The following PPP2R5C variants were observed in gnomAD, a reference collection of about 807,000 sequenced individuals.
PPP2R5C encodes protein phosphatase 2 regulatory subunit B'gamma.
A neutral mutation model predicts 68.9 loss-of-function variants in PPP2R5C; 7 were observed. The ratio of observed to expected loss-of-function variants is 0.10; its 90% CI spans 0.06 to 0.19. The LOEUF (loss-of-function observed/expected upper bound fraction) is 0.19, where lower values mean the gene tolerates loss of function less well. Ranked by LOEUF, PPP2R5C falls within the 10% of genes least tolerant of loss-of-function variation. The pLI, the probability that PPP2R5C is intolerant of heterozygous loss-of-function variation, is 1.00. For synonymous variants in PPP2R5C, 210 were observed against 222.2 expected, an observed-to-expected ratio of 0.95 and a Z score of 0.49; for missense variants, 348 against 641.3, an observed-to-expected ratio of 0.54 and a Z score of 4.94.
At chr14:101,827,799 C>T (rs1171529719) in intron 1 of PPP2R5C, among the ~76,000 whole-genome samples, 5 of 151,858 alleles carry the variant, frequency 3.3e-5, no homozygotes, top group African/African-American at 9.7e-5. Flanking sequence ...CTGTCAAAGG[C>T]GAAAATAAGG....
At chr14:101,787,088 CA>C (rs1442203978) in intron 3 of PPP2R5C, among the ~76,000 whole-genome samples, 2 of 151,984 alleles carry the variant, frequency 1.3e-5, no homozygotes, top group Non-Finnish European at 2.9e-5. Context: ...TCCGTCTCTA[CA>C]AAAAAATAAA....
rs1230543505 is a variant in PPP2R5C, at chr14:101,915,491, T to C, written c.1327-2340T>C. On this transcript the variant is annotated intron_variant, in intron 12 of 13. Coordinates refer to ENST00000334743, the Ensembl canonical transcript of PPP2R5C. The surrounding 1 kb of genome is among the most constrained non-coding windows in gnomAD (Gnocchi z 4.2). ...CATTCTTGTGTAGGGACACTCTCCT[T>C]TGCCCCGAGGGCCAGAGAGCCGTGC... is the stretch of plus-strand genomic sequence containing the variant. 6.6e-6 allele frequency among the ~76,000 whole-genome samples: 1 copy of C among 152,166 alleles called. No homozygotes were observed. Among genetic ancestry groups the C allele is most frequent in the African/African-American group, 2.4e-5 (1 of 41,440 alleles).
chr14:101,883,762 C>T (rs1422049389), intron 5 of PPP2R5C, among the ~76,000 whole-genome samples, 200 bp downstream of exon 7: 1 of 152,124 alleles, frequency 6.6e-6, no homozygotes, highest in Admixed American at 6.5e-5. Context: ...GCCTTCCTCC[C>T]CTCTCCCCAC....
At chr14:101,770,275 G>A (rs2037079334) in intron 2 of PPP2R5C, among the ~76,000 whole-genome samples, 4 of 152,216 alleles carry the variant, frequency 2.6e-5, no homozygotes, top group Admixed American at 2.6e-4. Context: ...GATAGGGTTT[G>A]TTTTGAGCAT....
At chr14:101,761,850 GGCGGCGGCA>G, upstream of PPP2R5C, 2 of 1,051,852 alleles carry the variant, frequency 1.9e-6, no homozygotes, top group Non-Finnish European at 2.3e-6. Context: ...TGCGGGGGCA[GGCGGCGGCA>G]GGGGCGGCGG....
chr14:101,787,482 G>A (rs745565938), intron 3 of PPP2R5C, among the ~76,000 whole-genome samples: 34 of 152,050 alleles, frequency 2.2e-4, no homozygotes, highest in Non-Finnish European at 2.2e-4. Flanking sequence ...CCAGGTTCTC[G>A]GCCGGGCGCA....
At chr14:101,843,060 C>A (rs1305180897) in intron 1 of PPP2R5C, among the ~76,000 whole-genome samples, 1 of 151,942 alleles carries the variant, frequency 6.6e-6, no homozygotes, top group Non-Finnish European at 1.5e-5. Context: ...ACTCTGTCTT[C>A]TACAAAAAAA....
intron 1 of PPP2R5C, chr14:101,810,360 G>C (rs1324995428): frequency 4.4e-6 from 1 of 228,862 alleles, no homozygotes; most frequent in Non-Finnish European, 8.6e-6. Context: ...TTGGGTGGGG[G>C]TAGGAAGGAG....
upstream of PPP2R5C, among the ~76,000 whole-genome samples, chr14:101,809,405 CAAAAA>C (rs375238074): frequency 1.2e-4 from 16 of 136,880 alleles, no homozygotes; most frequent in Admixed American, 5.0e-4. Flanking sequence ...AAAAAAAAAA[CAAAAA>C]AAAAACACTG....
chr14:101,818,741 A>G (rs1452084025), intron 1 of PPP2R5C: 5 of 324,396 alleles, frequency 1.5e-5, no homozygotes, highest in Non-Finnish European at 2.9e-5. Flanking sequence ...CTTTAATTAA[A>G]TAATATTTGA....
chr14:101,901,965 G>A, intron 9 of PPP2R5C, 76 bp downstream of exon 11: 1 of 1,475,406 alleles, frequency 6.8e-7, no homozygotes, highest in Non-Finnish European at 9.2e-7. Context: ...TGCGTAGCTG[G>A]CCATGCTTTG....
At position 101,797,154 on chromosome 14, in the gene PPP2R5C, C is replaced by T. The variant is rs2038649594; in HGVS notation, c.259+10971C>T. 10 of 456,004 alleles carry T rather than the reference C, an allele frequency of 2.2e-5. No homozygotes were observed. The highest frequency in any genetic ancestry group is 1.5e-4 in the South Asian group (10 of 64,550). 28.2% of individuals were successfully genotyped at this position (456,004 alleles called of 1,614,324 possible). The stretch of plus-strand genomic sequence containing the variant: ...AGTAGGAGCCTCTTAGAAGCGGAAT[C>T]GTACAGTATCTGTCTTTCTGTGCCT... On this transcript the variant is annotated intron_variant, in intron 3 of 14. Transcript: ENST00000328724. The surrounding 1 kb of genome is among the most constrained non-coding windows in gnomAD (Gnocchi z 4.2).
intron 2 of PPP2R5C, among the ~76,000 whole-genome samples, chr14:101,869,274 C>T (rs187143262): frequency 2.6e-5 from 4 of 152,200 alleles, no homozygotes; most frequent in African/African-American, 9.6e-5. Context: ...CAGTTTGTTC[C>T]TTTTCCTTCT....
intron 2 of PPP2R5C, among the ~76,000 whole-genome samples, chr14:101,771,221 T>TTG (rs1373214462): frequency 5.5e-5 from 4 of 72,634 alleles, no homozygotes; most frequent in Non-Finnish European, 8.6e-5. Flanking sequence ...TTTCTTCATC[T>TTG]CGTGTGTGTG....
chr14:101,785,881 C>G, intron 2 of PPP2R5C, 137 bp from the exon 3 acceptor site: 2 of 756,752 alleles, frequency 2.6e-6, no homozygotes, highest in Non-Finnish European at 3.9e-6. Flanking sequence ...TCCAGCCACT[C>G]TAAGGAATGA....
chr14:101,878,668 G>A (rs1217219372), intron 2 of PPP2R5C, among the ~76,000 whole-genome samples: 4 of 152,222 alleles, frequency 2.6e-5, no homozygotes, highest in African/African-American at 7.2e-5. Context: ...AGACTTGGCC[G>A]TGGTGGACAC....
At chr14:101,852,753 T>C (rs2042237042) in intron 1 of PPP2R5C, among the ~76,000 whole-genome samples, 1 of 152,192 alleles carries the variant, frequency 6.6e-6, no homozygotes, top group Non-Finnish European at 1.5e-5. Context: ...ATTACAGACG[T>C]GAGCCACCGC....
chr14:101,825,280 AAAG>A lies in PPP2R5C; in HGVS notation c.94+15248_94+15250del, dbSNP rs2140298493. The stretch of plus-strand genomic sequence containing the variant: ...AATTTATTACTTATTAAAAAAATGT[AAAG>A]AAGGCATAGCATTAAAAGTGGGAGA... On this transcript the variant is annotated intron_variant, in intron 1 of 13. Transcript: ENST00000334743. The surrounding 1 kb of genome is among the most constrained non-coding windows in gnomAD (Gnocchi z 4.0). 6.6e-6 allele frequency among the ~76,000 whole-genome samples: 1 copy of A among 151,958 alleles called. No individual in the cohort carries two copies. The highest frequency in any genetic ancestry group is 2.1e-4 in the South Asian group (1 of 4,816).
At chr14:101,826,265 A>C (rs1033976960) in intron 1 of PPP2R5C, among the ~76,000 whole-genome samples, 24 of 152,180 alleles carry the variant, frequency 1.6e-4, no homozygotes, top group African/African-American at 4.6e-4. Flanking sequence ...AGAGTTTTTT[A>C]ATATGAATTC....
Sources: allele counts gnomAD v4.1 joint callset (sites outside exome capture counted in the v4.1 genomes callset), GRCh38; gene constraint gnomAD v4.1.1; non-coding constraint Gnocchi (gnomAD v3.1); transcripts MANE v1.5; gene names NCBI Gene and HGNC (gene_info 2026-07-23, HGNC 2026-07-21).